The following DDHD1 variants were observed in gnomAD, a reference collection of about 807,000 sequenced individuals.
DDHD1 encodes phospholipase DDHD1.
In DDHD1, 49 loss-of-function variants were observed where a neutral mutation model predicts 96.4. The ratio of observed to expected loss-of-function variants is 0.51; its 90% confidence interval spans 0.40 to 0.64. The LOEUF (loss-of-function observed/expected upper bound fraction) is 0.64. DDHD1 is among the 30% of genes least tolerant of loss of function. The pLI, the probability that DDHD1 is intolerant of heterozygous loss-of-function variation, is 0.00. For synonymous variants in DDHD1, 442 were observed against 446.5 expected (o/e 0.99, Z 0.13); for missense variants, 1,106 against 1,161.2 (o/e 0.95, Z 0.69).
In DDHD1 at chr14:53,041,920, G is replaced by C. The variant is rs1309075548; in HGVS notation, c.*4848C>G. 6.6e-6 allele frequency: 1 copy of C among 152,168 alleles called. No homozygotes were observed. Among genetic ancestry groups the C allele is most frequent in the East Asian group, 1.9e-4 (1 of 5,186 alleles). The allele number at this position is 152,168 out of a possible 1,614,324, so 9.4% of individuals were successfully genotyped here. On this transcript the variant is annotated 3_prime_UTR_variant, in exon 13 of 13. Transcript: ENST00000673822. ...GGAGGTTGGGGGACAAAAACAAAGA[G>C]AGGCAGTTTCTGCCCTTTAGGAGTA...
intron 7 of DDHD1, 200 bp from the exon 8 acceptor site, chr14:53,061,401 C>T (rs948309958): frequency 1.4e-5 from 6 of 436,260 alleles, no homozygotes; most frequent in African/African-American, 2.0e-5. Flanking sequence ...AGTAAAGTAC[C>T]GCTAGTTGTC....
rs1429341528 is a variant in DDHD1 at position 53,037,284 on chromosome 14, G to A, written c.*9484C>T. 1.3e-5 allele frequency: 2 copies of A among 152,140 alleles called. No individual in the cohort carries two copies. Among genetic ancestry groups the A allele is most frequent in the East Asian group, 1.9e-4 (1 of 5,196 alleles). 9.4% of individuals were successfully genotyped at this position (152,140 alleles called of 1,614,324 possible). ...TTCCTTTTGGGAAATAAACCCATAT[G>A]CTGGGTTGAATGGTAGATCTGTTTT... On this transcript the variant is annotated 3_prime_UTR_variant, in exon 13 of 13. Coordinates refer to ENST00000673822, the MANE Select transcript of DDHD1 (RefSeq NM_001160148.2).
intron 1 of DDHD1, among the ~76,000 whole-genome samples, chr14:53,120,121 G>A (rs900375562): frequency 1.3e-5 from 2 of 152,172 alleles, no homozygotes; most frequent in Admixed American, 1.3e-4. Flanking sequence ...CAAAATCAAT[G>A]TGCAAAAATC....
intron 1 of DDHD1, among the ~76,000 whole-genome samples, chr14:53,139,712 A>G (rs868448412): frequency 5.9e-5 from 9 of 152,148 alleles, no homozygotes; most frequent in South Asian, 2.1e-4. Flanking sequence ...CAAAAACAAA[A>G]AAACAAAAAA....
chr14:53,098,267 AAT>A (rs1428235787), intron 2 of DDHD1, among the ~76,000 whole-genome samples: 4 of 152,236 alleles, frequency 2.6e-5, no homozygotes, highest in East Asian at 1.9e-4. Flanking sequence ...AATAAAAATT[AAT>A]ATGTTAAAGT....
chr14:53,137,894 G>C (rs1481518632), intron 1 of DDHD1, among the ~76,000 whole-genome samples: 1 of 152,080 alleles, frequency 6.6e-6, no homozygotes, highest in Non-Finnish European at 1.5e-5. Flanking sequence ...CAGGGGGTTG[G>C]GGGAGGAAGC....
chr14:53,069,696 C>G (rs1884348028), intron 6 of DDHD1, among the ~76,000 whole-genome samples: 1 of 152,168 alleles, frequency 6.6e-6, no homozygotes, highest in African/African-American at 2.4e-5. Context: ...ATACTTACAA[C>G]ACACATGCAT....
At chr14:53,123,801 G>T (rs1480514486) in intron 1 of DDHD1, among the ~76,000 whole-genome samples, 2 of 152,198 alleles carry the variant, frequency 1.3e-5, no homozygotes, top group African/African-American at 4.8e-5. Context: ...AGGAGATTTT[G>T]ATTGTATCTG....
chr14:53,059,268 C>G (rs1341935443), intron 8 of DDHD1, among the ~76,000 whole-genome samples: 1 of 151,694 alleles, frequency 6.6e-6, no homozygotes, highest in Non-Finnish European at 1.5e-5. Context: ...TTTTTGAGAC[C>G]GAGTCTCGCT....
chr14:53,146,744 T>G (rs1303895382), intron 1 of DDHD1, among the ~76,000 whole-genome samples: 1 of 152,194 alleles, frequency 6.6e-6, no homozygotes, highest in Admixed American at 6.5e-5. Flanking sequence ...CAATTGTCAG[T>G]GATTCAACAC....
At chr14:53,060,480 T>A (rs533048837) in intron 8 of DDHD1, among the ~76,000 whole-genome samples, 14 of 152,320 alleles carry the variant, frequency 9.2e-5, no homozygotes, top group African/African-American at 2.6e-4. Context: ...CTCACACAGC[T>A]CCAAGCTAAC....
At chr14:53,134,463 C>T (rs1165307913) in intron 1 of DDHD1, among the ~76,000 whole-genome samples, 1 of 151,992 alleles carries the variant, frequency 6.6e-6, no homozygotes, top group Non-Finnish European at 1.5e-5. Context: ...TCTACCTCTC[C>T]CCGGCTATCT....
chr14:53,128,560 T>TGA, intron 1 of DDHD1, among the ~76,000 whole-genome samples: 1 of 152,310 alleles, frequency 6.6e-6, no homozygotes, highest in South Asian at 2.1e-4. Context: ...CACCTAGAGG[T>TGA]TTAGTATTTC....
intron 10 of DDHD1, 57 bp from the exon 11 acceptor site, chr14:53,054,686 A>C: frequency 6.5e-7 from 1 of 1,550,220 alleles, no homozygotes; most frequent in Non-Finnish European, 8.8e-7. Flanking sequence ...CTCTAAGCTA[A>C]AGAGCACCAC....
intron 6 of DDHD1, among the ~76,000 whole-genome samples, chr14:53,063,930 C>T (rs1167966924): frequency 1.3e-5 from 2 of 151,932 alleles, no homozygotes; most frequent in Admixed American, 1.3e-4. Flanking sequence ...TGAAATATTC[C>T]ATAAAGTCAG....
chr14:53,147,309 A>G (rs1374752655), intron 1 of DDHD1, among the ~76,000 whole-genome samples: 1 of 152,236 alleles, frequency 6.6e-6, no homozygotes, highest in Non-Finnish European at 1.5e-5. Context: ...TTCAGAAGAG[A>G]GAAGCATACT....
rs762047351 is a variant in DDHD1 at position 53,051,911 on chromosome 14, T to C, written c.2454A>G (p.Glu818=). Residue 818 remains glutamate (E), a synonymous_variant, in exon 12 of 13, where the codon GAA becomes GAG. Coordinates refer to ENST00000673822, the MANE Select transcript of DDHD1 (RefSeq NM_001160148.2). ...GAAGTTGTGGGAGATTAAAGAACGA[T>C]TCTTGAAGTCTGAAATCTGTGAAAA... ...FLDSAYFRLQ[E]SFFNLPQLLF... is the part of the protein sequence containing the mutation. 8 of 1,591,170 alleles carry C rather than the reference T, an allele frequency of 5.0e-6. No homozygotes were observed. Among genetic ancestry groups the C allele is most frequent in the Non-Finnish European group, 6.9e-6 (8 of 1,167,716 alleles).
At chr14:53,054,285 A>T in intron 11 of DDHD1, 153 bp downstream of exon 11, 1 of 613,888 alleles carries the variant, frequency 1.6e-6, no homozygotes, top group Non-Finnish European at 2.7e-6. Context: ...TCTTAAAAAT[A>T]TAAGCAGAAG....
chr14:53,055,070 G>T (rs1047127744), intron 10 of DDHD1, among the ~76,000 whole-genome samples: 2 of 152,194 alleles, frequency 1.3e-5, no homozygotes, highest in African/African-American at 4.8e-5. Flanking sequence ...GAGTCCAGGA[G>T]ATAAAGCCTA....
Sources: gnomAD v4.1 joint callset for allele counts (sites outside exome capture counted in the v4.1 genomes callset) on GRCh38, gnomAD v4.1.1 for gene constraint, MANE v1.5 for transcripts, NCBI Gene and HGNC (gene_info 2026-07-23, HGNC 2026-07-21) for gene names.